The following FBRSL1 variants were observed in gnomAD, a reference collection of about 807,000 sequenced individuals.
The protein encoded by FBRSL1 is fibrosin-1-like protein.
Under a neutral mutation model 89.6 loss-of-function variants are expected in FBRSL1, and 51 were observed. That is an observed-to-expected ratio of 0.57 (90% CI 0.45 to 0.72). The LOEUF (loss-of-function observed/expected upper bound fraction) is 0.72. Among genes scored for constraint, FBRSL1 ranks in the 30% least tolerant of loss-of-function variants. The pLI is 0.00. For synonymous variants in FBRSL1, 779 were observed against 681.1 expected, an observed-to-expected ratio of 1.14 and a Z score of -2.24; for missense variants, 1,618 against 1,451.8, an observed-to-expected ratio of 1.11 and a Z score of -1.86.
At chr12:132,576,026 C>T (rs1365990160) in intron 14 of FBRSL1, among the ~76,000 whole-genome samples, 4 of 152,230 alleles carry the variant, frequency 2.6e-5, no homozygotes. Context: ...CCACAGCCGC[C>T]TGGCAGCGTG....
chr12:132,515,213 G>T (rs1008487313), intron 2 of FBRSL1, among the ~76,000 whole-genome samples: 5 of 152,036 alleles, frequency 3.3e-5, no homozygotes, highest in Non-Finnish European at 5.9e-5. Flanking sequence ...CCCTCACTTG[G>T]CACAGACAAA....
chr12:132,500,261 G>C (rs1281363851), intron 1 of FBRSL1, among the ~76,000 whole-genome samples: 2 of 152,158 alleles, frequency 1.3e-5, no homozygotes, highest in Non-Finnish European at 2.9e-5. Flanking sequence ...CGGCTTTAGG[G>C]AGCAGAGCAG....
At chr12:132,566,186 A>T (rs1314234198) in intron 5 of FBRSL1, 2 of 152,042 alleles carry the variant, frequency 1.3e-5, no homozygotes, top group Non-Finnish European at 2.9e-5. Flanking sequence ...CCTGGTCCAT[A>T]GAGGGTGCCT....
At chr12:132,508,050 A>G (rs1359736874) in intron 1 of FBRSL1, 103 bp from the exon 2 acceptor site, 8 of 1,172,320 alleles carry the variant, frequency 6.8e-6, no homozygotes, top group Non-Finnish European at 9.4e-6. Context: ...TGCCCCTCCC[A>G]AGTGGGGAGG....
intron 6 of FBRSL1, among the ~76,000 whole-genome samples, chr12:132,567,888 A>G (rs1347850675): frequency 6.6e-6 from 1 of 152,152 alleles, no homozygotes; most frequent in Non-Finnish European, 1.5e-5. Flanking sequence ...TTAAAGAGAA[A>G]CGGGACTGAG....
chr12:132,572,392 C>G (rs750892530), intron 10 of FBRSL1, 48 bp downstream of exon 10: 22 of 1,543,644 alleles, frequency 1.4e-5, no homozygotes, highest in East Asian at 2.4e-5. Flanking sequence ...CACGCAGGTC[C>G]TGGCCACGGG....
chr12:132,573,149 C>T (rs1305491544), intron 11 of FBRSL1, among the ~76,000 whole-genome samples: 2 of 152,214 alleles, frequency 1.3e-5, no homozygotes, highest in Non-Finnish European at 2.9e-5. Context: ...TGGCCTTGTG[C>T]TGTAACCCCA....
intron 2 of FBRSL1, among the ~76,000 whole-genome samples, chr12:132,521,385 C>T (rs1377628845): frequency 5.3e-5 from 8 of 152,202 alleles, no homozygotes; most frequent in African/African-American, 1.7e-4. Context: ...GGAACTGTGG[C>T]CCAGCCCAAC....
At chr12:132,572,661 T>TG (rs1349060170) in intron 11 of FBRSL1, 39 bp downstream of exon 11, 5 of 1,442,804 alleles carry the variant, frequency 3.5e-6, no homozygotes, top group Non-Finnish European at 3.8e-6. Flanking sequence ...GCACAGCGGG[T>TG]GGGTGGATTT....
intron 5 of FBRSL1, chr12:132,565,442 C>T (rs7311843): frequency 0.013 from 1,983 of 151,598 alleles, 23 homozygotes; most frequent in Non-Finnish European, 0.018. Flanking sequence ...TACACACACC[C>T]GAGAATGTGT....
intron 5 of FBRSL1, chr12:132,565,090 G>C (rs1361951066): frequency 6.6e-6 from 1 of 152,200 alleles, no homozygotes; most frequent in South Asian, 2.1e-4. Context: ...CCCAGCCTCC[G>C]AGTCAGATGC....
In FBRSL1 at chr12:132,583,789, G is replaced by A. The variant is rs1456371459; in HGVS notation, c.*11G>A. 3 of 1,207,516 alleles carry A rather than the reference G, an allele frequency of 2.5e-6. No homozygotes were observed. The highest frequency in any genetic ancestry group is 4.2e-5 in the South Asian group (1 of 24,008). 74.8% of individuals were successfully genotyped at this position (1,207,516 alleles called of 1,614,324 possible). On this transcript the variant is annotated 3_prime_UTR_variant, in exon 19 of 19. Coordinates refer to ENST00000680143, the MANE Select transcript of FBRSL1 (RefSeq NM_001367871.1). ...GTGGAGGCGCGGTAGCCCCGGGGCC[G>A]CAGACGCCTCTCCGAGCGGAGCGCA...
intron 1 of FBRSL1, among the ~76,000 whole-genome samples, chr12:132,497,943 C>T (rs895071010): frequency 5.9e-5 from 9 of 152,190 alleles, no homozygotes; most frequent in Non-Finnish European, 5.9e-5. Context: ...GTGTCCTCCC[C>T]GGCCCCACCC....
In FBRSL1 at chr12:132,583,576, C is replaced by T. The variant is rs1383996329; in HGVS notation, c.2807C>T (p.Ala936Val). The change falls in exon 19 of 19, where the codon GCC becomes GTC. Residue 936 changes from alanine to valine, a missense_variant. Transcript: ENST00000680143. ...CTGCACTTCCCGCGCCTCTCGCCCG[C>T]CGCGCTGCACAATGGGCTCCTGGCG... Reference protein sequence around the residue: ...GALHFPRLSPAALHNGLLART... With the variant: ...GALHFPRLSPVALHNGLLART... 135 of 1,010,836 alleles carry T rather than the reference C, an allele frequency of 1.3e-4. No homozygotes were observed. Among genetic ancestry groups the T allele is most frequent in the Admixed American group, 4.9e-4 (8 of 16,338 alleles). The allele number at this position is 1,010,836 out of a possible 1,614,324, so 62.6% of individuals were successfully genotyped here.
intron 5 of FBRSL1, 38 bp from the exon 6 acceptor site, chr12:132,567,443 C>T (rs1163275532): frequency 6.5e-7 from 1 of 1,549,400 alleles, no homozygotes; most frequent in Non-Finnish European, 8.7e-7. Context: ...GGATGAGGAC[C>T]ACCCTGACTG....
At chr12:132,530,435 C>CG (rs773936971) in intron 4 of FBRSL1, among the ~76,000 whole-genome samples, 24 of 151,912 alleles carry the variant, frequency 1.6e-4, no homozygotes, top group Non-Finnish European at 3.4e-4. Flanking sequence ...GGGGGAGGGC[C>CG]GGGTCTTAAG....
chr12:132,518,898 C>T (rs996005605), intron 2 of FBRSL1, among the ~76,000 whole-genome samples: 1 of 152,060 alleles, frequency 6.6e-6, no homozygotes, highest in Non-Finnish European at 1.5e-5. Context: ...TCTATCCATC[C>T]ACCCACCCAC....
At chr12:132,561,978 T>TGCCGAGGCCTTTCTGGGGAGCC (rs1203999487) in intron 5 of FBRSL1, among the ~76,000 whole-genome samples, 1 of 151,894 alleles carries the variant, frequency 6.6e-6, no homozygotes, top group African/African-American at 2.4e-5. Flanking sequence ...GCCAAGGAGG[T>TGCCGAGGCCTTTCTGGGGAGCC]GCCGAGGCCT....
At chr12:132,563,803 C>T (rs1227726297) in intron 5 of FBRSL1, among the ~76,000 whole-genome samples, 1 of 61,732 alleles carries the variant, frequency 1.6e-5, no homozygotes, top group Non-Finnish European at 2.9e-5. Context: ...TCACCCCCGT[C>T]GCCCCTGAAC....
Sources: allele counts gnomAD v4.1 joint callset (sites outside exome capture counted in the v4.1 genomes callset), GRCh38; gene constraint gnomAD v4.1.1; transcripts MANE v1.5; gene names NCBI Gene and HGNC (gene_info 2026-07-23, HGNC 2026-07-21).